Variants in HCN1 observed in about 807,000 individuals in gnomAD.
HCN1 encodes potassium/sodium hyperpolarization-activated cyclic nucleotide-gated channel 1.
Under a neutral mutation model 78.9 loss-of-function variants are expected in HCN1, and 13 were observed. The observed-to-expected ratio is 0.16, with a 90% CI of 0.11 to 0.26. HCN1 has a LOEUF of 0.26. HCN1 is among the 10% of genes least tolerant of loss of function. The probability of loss-of-function intolerance (pLI) is 1.00; values close to 1 mark genes in which losing one functional copy is unlikely to be tolerated. For missense variants in HCN1, 810 were observed against 1,154.3 expected, an observed-to-expected ratio of 0.70 and a Z score of 4.32; for synonymous variants, 552 against 455.5, an observed-to-expected ratio of 1.21 and a Z score of -2.70.
chr5:45,282,620 G>A (rs190090568), intron 6 of HCN1, among the ~76,000 whole-genome samples: 5 of 152,242 alleles, frequency 3.3e-5, no homozygotes, highest in East Asian at 1.9e-4. Flanking sequence ...AATCTGGTCC[G>A]ATTTCATGTT....
At chr5:45,392,345 T>C (rs945982000) in intron 4 of HCN1, among the ~76,000 whole-genome samples, 5 of 152,144 alleles carry the variant, frequency 3.3e-5, no homozygotes. Context: ...CAAGGATCTA[T>C]GGATCATTAA....
At chr5:45,573,766 A>T (rs1025785930) in intron 2 of HCN1, among the ~76,000 whole-genome samples, 1 of 152,126 alleles carries the variant, frequency 6.6e-6, no homozygotes, top group South Asian at 2.1e-4. Context: ...GGCCTTGGGA[A>T]ATTACATTCG....
chr5:45,495,859 C>A (rs1223294869), intron 2 of HCN1, among the ~76,000 whole-genome samples: 1 of 152,172 alleles, frequency 6.6e-6, no homozygotes, highest in African/African-American at 2.4e-5. Context: ...TTGAGATAAT[C>A]ATGTGGTTTT....
chr5:45,349,039 G>T (rs1019711724), intron 5 of HCN1, among the ~76,000 whole-genome samples: 5 of 152,158 alleles, frequency 3.3e-5, no homozygotes, highest in African/African-American at 1.2e-4. Context: ...GACATCTACA[G>T]AACTCTCCAC....
At chr5:45,371,823 T>C (rs1478780325) in intron 4 of HCN1, among the ~76,000 whole-genome samples, 1 of 134,652 alleles carries the variant, frequency 7.4e-6, no homozygotes, top group Non-Finnish European at 1.5e-5. Flanking sequence ...TGTGCTGTTT[T>C]CTACTATTTA....
At chr5:45,513,711 AGGTGGAACAGTT>A (rs1439407165) in intron 2 of HCN1, among the ~76,000 whole-genome samples, 3 of 152,174 alleles carry the variant, frequency 2.0e-5, no homozygotes, top group Non-Finnish European at 4.4e-5. Context: ...TGATTATCTA[AGGTGGAACAGTT>A]TCATCCTGAA....
intron 4 of HCN1, among the ~76,000 whole-genome samples, chr5:45,373,236 TTA>T (rs1316949761): frequency 1.7e-5 from 2 of 121,184 alleles, no homozygotes; most frequent in Admixed American, 9.8e-5. Context: ...ATATTTTACA[TTA>T]TATATAATAT....
At chr5:45,390,984 T>C (rs1479378762) in intron 4 of HCN1, among the ~76,000 whole-genome samples, 1 of 152,080 alleles carries the variant, frequency 6.6e-6, no homozygotes, top group Non-Finnish European at 1.5e-5. Flanking sequence ...AGCCCTAGGA[T>C]CTCCCTCGCC....
chr5:45,541,523 C>T (rs568576445), intron 2 of HCN1, among the ~76,000 whole-genome samples: 21 of 152,182 alleles, frequency 1.4e-4, no homozygotes, highest in Non-Finnish European at 2.6e-4. Context: ...GAATCTTGAA[C>T]TTGTAACCAT....
intron 4 of HCN1, among the ~76,000 whole-genome samples, chr5:45,359,416 AAT>A (rs377418463): frequency 6.1e-4 from 87 of 142,566 alleles, no homozygotes; most frequent in Middle Eastern, 3.6e-3. Flanking sequence ...AAAAAAAAAA[AAT>A]ATATATATAT....
At chr5:45,390,606 G>T (rs904067870) in intron 4 of HCN1, among the ~76,000 whole-genome samples, 10 of 152,106 alleles carry the variant, frequency 6.6e-5, no homozygotes, top group African/African-American at 2.2e-4. Flanking sequence ...TACATGTAGG[G>T]CATTCCAGCA....
chr5:45,637,792 CAA>C (rs1745382069), intron 2 of HCN1, among the ~76,000 whole-genome samples: 1 of 151,970 alleles, frequency 6.6e-6, no homozygotes, highest in Non-Finnish European at 1.5e-5. Context: ...AGAATATGAG[CAA>C]AGAGTTTCTC....
intron 2 of HCN1, among the ~76,000 whole-genome samples, chr5:45,620,931 T>A (rs1008862551): frequency 1.3e-5 from 2 of 152,166 alleles, no homozygotes; most frequent in African/African-American, 4.8e-5. Context: ...TTGGGATACA[T>A]CAATCCTAGT....
At chr5:45,482,205 TG>T (rs1299330729) in intron 2 of HCN1, among the ~76,000 whole-genome samples, 3 of 152,186 alleles carry the variant, frequency 2.0e-5, no homozygotes, top group African/African-American at 7.2e-5. Context: ...AGAAATTTGC[TG>T]ATCTTCTGTG....
chr5:45,336,518 T>G (rs1746459468), intron 5 of HCN1, among the ~76,000 whole-genome samples: 1 of 152,088 alleles, frequency 6.6e-6, no homozygotes, highest in East Asian at 1.9e-4. Context: ...AACTGTTATC[T>G]GCCACTGTGA....
chr5:45,675,043 A>G (rs1207049299), intron 1 of HCN1, among the ~76,000 whole-genome samples: 2 of 151,836 alleles, frequency 1.3e-5, no homozygotes, highest in East Asian at 1.9e-4. Context: ...GAAAATATAT[A>G]TAAGTGGCAA....
intron 2 of HCN1, among the ~76,000 whole-genome samples, chr5:45,466,420 C>G (rs1454377075): frequency 1.3e-5 from 2 of 151,954 alleles, no homozygotes; most frequent in Non-Finnish European, 2.9e-5. Context: ...TGTGTGATCT[C>G]AATATTGATT....
intron 2 of HCN1, among the ~76,000 whole-genome samples, chr5:45,628,494 T>G (rs1251728463): frequency 2.6e-5 from 4 of 152,252 alleles, no homozygotes; most frequent in African/African-American, 9.6e-5. Context: ...TGTAAAAACT[T>G]TGGTGAATAG....
At chr5:45,447,049 A>C (rs1338711638) in intron 3 of HCN1, among the ~76,000 whole-genome samples, 1 of 152,166 alleles carries the variant, frequency 6.6e-6, no homozygotes, top group African/African-American at 2.4e-5. Context: ...ATTAACTTTA[A>C]ATGTAAATGG....
Sources: allele counts gnomAD v4.1 joint callset (sites outside exome capture counted in the v4.1 genomes callset), GRCh38; gene constraint gnomAD v4.1.1; transcripts MANE v1.5; gene names NCBI Gene and HGNC (gene_info 2026-07-23, HGNC 2026-07-21).